ZNF831: variants seen among roughly 807,000 people sequenced by gnomAD.
ZNF831 encodes chromosome 20 open reading frame 174.
ZNF831 carries 59 observed loss-of-function variants against 95.8 expected under a neutral mutation model. The observed-to-expected ratio is 0.62, with a 90% CI of 0.50 to 0.77. The LOEUF is 0.77. ZNF831 is among the 30% of genes least tolerant of loss of function. ZNF831 has a pLI of 0.00. For synonymous variants in ZNF831, 961 were observed against 925.5 expected, an observed-to-expected ratio of 1.04 and a Z score of -0.70; for missense variants, 2,205 against 2,164.0, an observed-to-expected ratio of 1.02 and a Z score of -0.38.
chr20:59,180,587 A>G (rs1186815490), intron 1 of ZNF831, among the ~76,000 whole-genome samples: 1 of 151,478 alleles, frequency 6.6e-6, no homozygotes, highest in African/African-American at 2.4e-5. Flanking sequence ...ATGTGTTCTC[A>G]TTGTTCAACT....
chr20:59,207,201 C>G, intron 4 of ZNF831, 145 bp downstream of exon 4: 1 of 957,900 alleles, frequency 1.0e-6, no homozygotes, highest in Non-Finnish European at 1.5e-6. Flanking sequence ...AGAGGCATGA[C>G]GTCTATGAGA....
chr20:59,205,227 C>T lies in ZNF831; in HGVS notation c.3876-1678C>T, dbSNP rs1484004539. On this transcript the variant is annotated intron_variant, in intron 3 of 5. Transcript: ENST00000371030. ...GAAGAATTCTCTCCATGTGCCACCCCTTCCTTCCTCCCTTTGTCTCTGCAC... is the reference window on the plus strand; with the variant it reads ...GAAGAATTCTCTCCATGTGCCACCCTTTCCTTCCTCCCTTTGTCTCTGCAC... Among the ~76,000 whole-genome samples the T allele has an allele frequency of 2.0e-5, 3 of 152,324 alleles. No homozygotes were observed. In the South Asian group the frequency reaches 6.2e-4, roughly 32 times the overall value.
Position 59,194,608 on chromosome 20 carries a change from G to A in ZNF831, c.3589G>A (p.Glu1197Lys), listed in dbSNP as rs200822476. 1.2e-5 allele frequency: 20 copies of A among 1,613,072 alleles called. No homozygotes were observed. The Admixed American group carries it at 2.8e-4, about 23-fold the overall frequency. ...CLSRSVPLPA[E>K]QKAKAASVYL... ...GAGCCGCAGTGTCCCTCTGCCCGCG[G>A]AGCAGAAGGCAAAGGCGGCATCTGT... The change falls in exon 2 of 6, where the codon GAG becomes AAG. Residue 1197 changes from glutamate (E) to lysine (K), a missense_variant. Transcript: ENST00000371030.
intron 4 of ZNF831, among the ~76,000 whole-genome samples, chr20:59,221,816 C>T (rs1228256329): frequency 1.3e-5 from 2 of 152,208 alleles, no homozygotes; most frequent in Non-Finnish European, 2.9e-5. Flanking sequence ...CAGTCATTTT[C>T]AGCTTTCCGG....
intron 1 of ZNF831, among the ~76,000 whole-genome samples, chr20:59,178,267 A>C (rs1440146169): frequency 6.6e-6 from 1 of 152,260 alleles, no homozygotes; most frequent in African/African-American, 2.4e-5. Flanking sequence ...GTTGAATTCA[A>C]GTGAATTAAA....
Position 59,232,994 on chromosome 20 carries a change from GCACACACACACACA to G in ZNF831, c.4028-19947_4028-19934del, listed in dbSNP as rs59267396. Among the ~76,000 whole-genome samples, 753 of 123,082 alleles carry G rather than the reference GCACACACACACACA, an allele frequency of 6.1e-3. 2 individuals carry two copies. Among genetic ancestry groups the G allele is most frequent in the South Asian group, 0.027 (88 of 3,246 alleles). 80.7% of individuals were successfully genotyped at this position (123,082 alleles called of 152,430 possible). Reference sequence around the variant, plus strand: ...TCATTTTATAGGTGAGGACCCTGAGGCACACACACACACACACACACACACACACACACACACAC... The same window carrying G: ...TCATTTTATAGGTGAGGACCCTGAGGCACACACACACACACACACACACAC... On this transcript the variant is annotated intron_variant, in intron 4 of 5. Coordinates refer to ENST00000371030, the MANE Select transcript of ZNF831 (RefSeq NM_178457.3).
chr20:59,145,480 C>T (rs1196086782), intron 1 of ZNF831, among the ~76,000 whole-genome samples: 3 of 152,178 alleles, frequency 2.0e-5, no homozygotes, highest in Non-Finnish European at 1.5e-5. Context: ...GCAACATTTC[C>T]CAAAGTCATT....
At position 59,139,970 on chromosome 20, in the gene ZNF831, G is replaced by T. The variant is rs1018700551; in HGVS notation, c.-1424-6261G>T. 2.6e-5 allele frequency among the ~76,000 whole-genome samples: 4 copies of T among 152,132 alleles called. No individual in the cohort carries two copies. The South Asian group carries it at 8.3e-4, about 31-fold the overall frequency. On this transcript the variant is annotated intron_variant, in intron 1 of 7. Coordinates refer to the ZNF831 transcript ENST00000637017. ...ATTTCACTTGTATTTTCATTTTTAT[G>T]TATGCACAATAGTAATATGTGATAA...
chr20:59,249,111 G>A (rs1006672904), intron 4 of ZNF831, among the ~76,000 whole-genome samples: 1 of 152,042 alleles, frequency 6.6e-6, no homozygotes, highest in Non-Finnish European at 1.5e-5. Flanking sequence ...TCTCTGTATT[G>A]TTCCTTCTTT....
intron 3 of ZNF831, among the ~76,000 whole-genome samples, chr20:59,204,036 C>G (rs1449222901): frequency 6.6e-6 from 1 of 152,098 alleles, no homozygotes; most frequent in East Asian, 1.9e-4. Flanking sequence ...TAGGAAGCTT[C>G]CAACAAATGG....
chr20:59,213,806 C>T (rs1020598370), intron 4 of ZNF831, among the ~76,000 whole-genome samples: 1 of 152,160 alleles, frequency 6.6e-6, no homozygotes, highest in Non-Finnish European at 1.5e-5. Context: ...CATTTTCAAC[C>T]TTAGGGGTCA....
At chr20:59,221,436 C>T (rs1013049728) in intron 4 of ZNF831, among the ~76,000 whole-genome samples, 2 of 152,222 alleles carry the variant, frequency 1.3e-5, no homozygotes, top group Admixed American at 6.5e-5. Context: ...GGGACCCCAT[C>T]GTCCTCTAGG....
intron 3 of ZNF831, among the ~76,000 whole-genome samples, chr20:59,202,737 G>A (rs996981465): frequency 1.3e-5 from 2 of 152,088 alleles, no homozygotes; most frequent in Non-Finnish European, 2.9e-5. Flanking sequence ...TTTGAGTCCT[G>A]TACCCTCAGC....
chr20:59,151,626 G>A (rs1980243116), intron 2 of ZNF831, among the ~76,000 whole-genome samples: 1 of 152,232 alleles, frequency 6.6e-6, no homozygotes, highest in African/African-American at 2.4e-5. Flanking sequence ...CCAGGTGAAT[G>A]AGGGATGGCT....
intron 2 of ZNF831, among the ~76,000 whole-genome samples, chr20:59,155,932 C>T (rs1980513304): frequency 6.6e-6 from 1 of 151,980 alleles, no homozygotes. Context: ...GAGTTGTGTG[C>T]TCCCCCTCAT....
At chr20:59,243,392 G>A (rs1209917578) in intron 4 of ZNF831, among the ~76,000 whole-genome samples, 1 of 152,196 alleles carries the variant, frequency 6.6e-6, no homozygotes, top group East Asian at 1.9e-4. Flanking sequence ...AGTATTATGT[G>A]AGGATGGTGA....
At chr20:59,133,030 A>G (rs1979395725) in intron 1 of ZNF831, among the ~76,000 whole-genome samples, 1 of 143,418 alleles carries the variant, frequency 7.0e-6, no homozygotes, top group East Asian at 2.1e-4. Context: ...TGACGTCCGT[A>G]GGATCACTTT....
chr20:59,145,782 G>A (rs982740629), intron 1 of ZNF831, among the ~76,000 whole-genome samples: 2 of 152,172 alleles, frequency 1.3e-5, no homozygotes, highest in African/African-American at 4.8e-5. Flanking sequence ...TGGTCTGGAA[G>A]ACCTGATTTC....
intron 1 of ZNF831, among the ~76,000 whole-genome samples, chr20:59,181,723 C>T (rs1188625300): frequency 6.6e-6 from 1 of 150,814 alleles, no homozygotes; most frequent in Non-Finnish European, 1.5e-5. Flanking sequence ...TTCCCTTGGT[C>T]TATATATCTG....
Sources: allele counts gnomAD v4.1 joint callset (sites outside exome capture counted in the v4.1 genomes callset), GRCh38; gene constraint gnomAD v4.1.1; transcripts MANE v1.5; gene names NCBI Gene and HGNC (gene_info 2026-07-23, HGNC 2026-07-21).